Variants in NRF1 observed in about 807,000 individuals in gnomAD.
NRF1 encodes the protein alpha palindromic-binding protein.
NRF1 carries 5 observed loss-of-function variants against 58.5 expected under a neutral mutation model. The observed-to-expected ratio is 0.09, with a 90% CI of 0.04 to 0.18. The LOEUF (loss-of-function observed/expected upper bound fraction) is 0.18. NRF1 is among the 10% of genes least tolerant of loss of function. NRF1 has a pLI of 1.00. For synonymous variants in NRF1, 224 were observed against 246.7 expected, an observed-to-expected ratio of 0.91 and a Z score of 0.86; for missense variants, 288 against 657.7, an observed-to-expected ratio of 0.44 and a Z score of 6.15.
chr7:129,714,988 C>T (rs1429837003), intron 8 of NRF1, among the ~76,000 whole-genome samples: 1 of 152,194 alleles, frequency 6.6e-6, no homozygotes, highest in Admixed American at 6.5e-5. Context: ...ACAGATACAC[C>T]TGAGCTGATG....
chr7:129,723,917 A>T (rs528232271), intron 9 of NRF1, among the ~76,000 whole-genome samples: 38 of 152,366 alleles, frequency 2.5e-4, no homozygotes, highest in African/African-American at 8.9e-4. Context: ...AACACAGTGT[A>T]TAAAAATTAA....
chr7:129,705,821 T>A (rs1802936441), intron 5 of NRF1, among the ~76,000 whole-genome samples: 1 of 152,144 alleles, frequency 6.6e-6, no homozygotes, highest in Non-Finnish European at 1.5e-5. Context: ...CATGCGCCTT[T>A]AGTCCCAACT....
At chr7:129,691,873 C>T (rs996288592) in intron 5 of NRF1, among the ~76,000 whole-genome samples, 1 of 152,096 alleles carries the variant, frequency 6.6e-6, no homozygotes, top group East Asian at 1.9e-4. Context: ...CTTACCTGAT[C>T]ATCGATATGC....
At chr7:129,631,213 A>G (rs1016601256) in intron 1 of NRF1, among the ~76,000 whole-genome samples, 1 of 147,496 alleles carries the variant, frequency 6.8e-6, no homozygotes, top group Non-Finnish European at 1.5e-5. Context: ...ATATTTCTGA[A>G]TCTTTCTAAG....
intron 1 of NRF1, among the ~76,000 whole-genome samples, chr7:129,617,338 T>G (rs1800679682): frequency 6.6e-6 from 1 of 152,218 alleles, no homozygotes. Flanking sequence ...GGCTGGCAGC[T>G]AAACCTACAA....
chr7:129,747,073 ACTT>A (rs1803993560), intron 10 of NRF1, among the ~76,000 whole-genome samples: 2 of 152,174 alleles, frequency 1.3e-5, no homozygotes, highest in South Asian at 4.1e-4. Context: ...GTGCTGGATA[ACTT>A]CAACAGCCCT....
At chr7:129,627,519 T>A (rs1000621316) in intron 1 of NRF1, among the ~76,000 whole-genome samples, 1 of 152,168 alleles carries the variant, frequency 6.6e-6, no homozygotes, top group Admixed American at 6.5e-5. Context: ...AGTGCTTTTT[T>A]AAAAAAGAGT....
At chr7:129,727,487 G>C in intron 10 of NRF1, 122 bp downstream of exon 10, 1 of 899,970 alleles carries the variant, frequency 1.1e-6, no homozygotes, top group Non-Finnish European at 1.6e-6. Context: ...TTCATTGGTA[G>C]ACATTTCATG....
chr7:129,677,150 A>T (rs1339648800), intron 3 of NRF1, among the ~76,000 whole-genome samples: 1 of 151,842 alleles, frequency 6.6e-6, no homozygotes, highest in African/African-American at 2.4e-5. Context: ...ATCTAGGATT[A>T]CAGGCGTGTG....
At chr7:129,678,819 C>T (rs1011003208) in intron 4 of NRF1, among the ~76,000 whole-genome samples, 2 of 151,996 alleles carry the variant, frequency 1.3e-5, no homozygotes, top group African/African-American at 4.8e-5. Context: ...CTAGAAGACT[C>T]AGAAAAATAC....
chr7:129,675,095 A>T (rs1405248932), intron 3 of NRF1, among the ~76,000 whole-genome samples: 1 of 152,164 alleles, frequency 6.6e-6, no homozygotes, highest in Non-Finnish European at 1.5e-5. Flanking sequence ...AATATACATA[A>T]CATCTTCATC....
At chr7:129,725,835 A>C (rs1803440692) in intron 9 of NRF1, among the ~76,000 whole-genome samples, 1 of 152,234 alleles carries the variant, frequency 6.6e-6, no homozygotes, top group Admixed American at 6.5e-5. Flanking sequence ...TCTTCTATTT[A>C]ATGACACTTT....
At chr7:129,612,164 C>T (rs1800546678) in intron 1 of NRF1, among the ~76,000 whole-genome samples, 1 of 150,862 alleles carries the variant, frequency 6.6e-6, no homozygotes, top group Non-Finnish European at 1.5e-5. Context: ...ACCCGGGGCC[C>T]GGCCTTCCCG....
chr7:129,628,917 A>G (rs1404101903), intron 1 of NRF1, among the ~76,000 whole-genome samples: 1 of 152,220 alleles, frequency 6.6e-6, no homozygotes, highest in African/African-American at 2.4e-5. Flanking sequence ...TTAATTCATC[A>G]AGTTTATGGA....
chr7:129,625,969 A>G (rs1014729038), intron 1 of NRF1, among the ~76,000 whole-genome samples: 3 of 152,076 alleles, frequency 2.0e-5, no homozygotes, highest in Non-Finnish European at 4.4e-5. Context: ...AGCATGAGCC[A>G]CCACACCCAG....
At chr7:129,698,860 A>G (rs774236135) in intron 5 of NRF1, among the ~76,000 whole-genome samples, 2 of 152,216 alleles carry the variant, frequency 1.3e-5, no homozygotes, top group African/African-American at 4.8e-5. Flanking sequence ...TGATTTTGCT[A>G]GTGGAAAATC....
At chr7:129,619,478 GTGTGTGTGTGTGTATATATA>G (rs1429141040) in intron 1 of NRF1, among the ~76,000 whole-genome samples, 1 of 34,640 alleles carries the variant, frequency 2.9e-5, no homozygotes, top group Non-Finnish European at 7.0e-5. Context: ...GTGTGTGTGT[GTGTGTGTGTGTGTATATATA>G]TATATATATA....
At chr7:129,732,430 G>A (rs886643735) in intron 10 of NRF1, among the ~76,000 whole-genome samples, 3 of 152,172 alleles carry the variant, frequency 2.0e-5, no homozygotes, top group Admixed American at 2.0e-4. Context: ...TGAAGTTGGT[G>A]CAATTACTTT....
intron 4 of NRF1, among the ~76,000 whole-genome samples, chr7:129,684,191 G>A (rs1771678929): frequency 6.6e-6 from 1 of 152,130 alleles, no homozygotes; most frequent in African/African-American, 2.4e-5. Flanking sequence ...TTAGCGAACA[G>A]GGAAAAGTAG....
Sources: gnomAD v4.1 joint callset for allele counts (sites outside exome capture counted in the v4.1 genomes callset) on GRCh38, gnomAD v4.1.1 for gene constraint, MANE v1.5 for transcripts, NCBI Gene and HGNC (gene_info 2026-07-23, HGNC 2026-07-21) for gene names.